BMERB1: variants seen among roughly 807,000 people sequenced by gnomAD.
BMERB1 encodes bMERB domain containing 1.
Under a neutral mutation model 23.6 loss-of-function variants are expected in BMERB1, and 12 were observed. The observed-to-expected ratio is 0.51, with a 90% CI of 0.33 to 0.82. The LOEUF (loss-of-function observed/expected upper bound fraction) is 0.82, where lower values mean the gene tolerates loss of function less well. Among genes scored for constraint, BMERB1 ranks in the 40% least tolerant of loss-of-function variants. The pLI, the probability that BMERB1 is intolerant of heterozygous loss-of-function variation, is 0.03. For missense variants in BMERB1, 247 were observed against 255.4 expected (o/e 0.97, Z 0.22); for synonymous variants, 122 against 96.6 (o/e 1.26, Z -1.54).
intron 3 of BMERB1, chr16:15,577,011 G>A (rs192923906): frequency 6.6e-6 from 1 of 152,316 alleles, no homozygotes; most frequent in Admixed American, 6.5e-5. Flanking sequence ...CCCACAGATT[G>A]GTTGGAGCAG....
At chr16:15,452,234 T>C (rs1247760494) in intron 1 of BMERB1, among the ~76,000 whole-genome samples, 6 of 147,538 alleles carry the variant, frequency 4.1e-5, no homozygotes, top group Non-Finnish European at 7.5e-5. Context: ...TGAGCCATGA[T>C]TGGGCCACTG....
intron 3 of BMERB1, among the ~76,000 whole-genome samples, chr16:15,570,509 C>G (rs138530990): frequency 7.9e-5 from 12 of 152,114 alleles, no homozygotes; most frequent in African/African-American, 2.7e-4. Context: ...TCCCTGGCCT[C>G]TACCCACTAC....
chr16:15,547,023 T>C (rs999050926), intron 2 of BMERB1, among the ~76,000 whole-genome samples: 2 of 151,416 alleles, frequency 1.3e-5, no homozygotes, highest in African/African-American at 4.9e-5. Flanking sequence ...CTTTTTTTTT[T>C]TTTTTTTGAG....
chr16:15,557,744 G>A (rs1048172504), intron 2 of BMERB1, among the ~76,000 whole-genome samples: 1 of 152,134 alleles, frequency 6.6e-6, no homozygotes, highest in Non-Finnish European at 1.5e-5. Context: ...TAAGTCATAA[G>A]GACATTTAAT....
intron 2 of BMERB1, among the ~76,000 whole-genome samples, chr16:15,535,648 C>CAAAAAAAAA (rs34379447): frequency 9.9e-6 from 1 of 100,694 alleles, no homozygotes; most frequent in African/African-American, 4.0e-5. Context: ...GACTCCATCT[C>CAAAAAAAAA]AAAAAAAAAA....
intron 5 of BMERB1, among the ~76,000 whole-genome samples, chr16:15,583,641 AATGCTTTCT>A (rs2031071635): frequency 6.6e-6 from 1 of 152,060 alleles, no homozygotes; most frequent in Admixed American, 6.6e-5. Context: ...GGCGCAACAA[AATGCTTTCT>A]AGAGATCAGA....
rs535797129 is a variant in BMERB1, at chr16:15,441,559, G to A, written c.106+6800G>A. Among the ~76,000 whole-genome samples the A allele has an allele frequency of 1.4e-3, 219 of 152,182 alleles. 1 individual carries two copies. Among genetic ancestry groups the A allele is most frequent in the Middle Eastern group, 0.01 (3 of 294 alleles). ...TGCCTGGTTAATTTTTGTATTTTTA[G>A]TAGAGATGGGGTTTTTCCATGTTGG... On this transcript the variant is annotated intron_variant, in intron 1 of 5. Transcript: ENST00000300006.
At chr16:15,546,762 A>G (rs1210660818) in intron 2 of BMERB1, among the ~76,000 whole-genome samples, 1 of 152,130 alleles carries the variant, frequency 6.6e-6, no homozygotes, top group African/African-American at 2.4e-5. Flanking sequence ...TGCTGGGGTG[A>G]TTACCCTTAT....
At chr16:15,436,607 G>A (rs1234593514) in intron 1 of BMERB1, among the ~76,000 whole-genome samples, 3 of 151,780 alleles carry the variant, frequency 2.0e-5, no homozygotes, top group Non-Finnish European at 4.4e-5. Flanking sequence ...TGTAGTCATC[G>A]TGTTGTGCTA....
At chr16:15,528,151 C>T (rs1055360082) in intron 2 of BMERB1, among the ~76,000 whole-genome samples, 2 of 152,086 alleles carry the variant, frequency 1.3e-5, no homozygotes, top group Non-Finnish European at 2.9e-5. Context: ...AAATTTAATT[C>T]TCACAGTTCT....
intron 2 of BMERB1, among the ~76,000 whole-genome samples, chr16:15,561,780 CTACT>C (rs1430892861): frequency 2.0e-5 from 3 of 152,072 alleles, no homozygotes; most frequent in African/African-American, 7.2e-5. Flanking sequence ...AAAGTCCTAG[CTACT>C]TGGAAGGCTG....
At chr16:15,472,364 G>T (rs570931912) in intron 1 of BMERB1, among the ~76,000 whole-genome samples, 21 of 152,278 alleles carry the variant, frequency 1.4e-4, no homozygotes, top group African/African-American at 3.9e-4. Flanking sequence ...GTGATCAATT[G>T]TAACTGTAGA....
At chr16:15,455,564 C>G (rs2051079679) in intron 1 of BMERB1, among the ~76,000 whole-genome samples, 1 of 151,864 alleles carries the variant, frequency 6.6e-6, no homozygotes, top group Admixed American at 6.6e-5. Context: ...GGGTTCACGC[C>G]ATTTTCCTGC....
At chr16:15,516,880 C>T (rs995583887) in intron 2 of BMERB1, among the ~76,000 whole-genome samples, 5 of 152,142 alleles carry the variant, frequency 3.3e-5, no homozygotes, top group Non-Finnish European at 7.4e-5. Context: ...GGGTCTTGCT[C>T]TGTCGTCCAG....
chr16:15,575,770 A>G (rs954933185), intron 3 of BMERB1, among the ~76,000 whole-genome samples: 2 of 152,090 alleles, frequency 1.3e-5, no homozygotes, highest in Non-Finnish European at 2.9e-5. Context: ...CACCCTATGT[A>G]AATGAAGTAG....
At chr16:15,552,998 AC>A (rs561869788) in intron 2 of BMERB1, among the ~76,000 whole-genome samples, 23 of 151,892 alleles carry the variant, frequency 1.5e-4, no homozygotes, top group East Asian at 9.8e-4. Context: ...ACATAGTGAG[AC>A]CCCCATCTCT....
chr16:15,458,978 G>A (rs2051112515), intron 1 of BMERB1, among the ~76,000 whole-genome samples: 1 of 151,946 alleles, frequency 6.6e-6, no homozygotes, highest in African/African-American at 2.4e-5. Context: ...GTGGTGGCGG[G>A]CGCCCATAAT....
intron 1 of BMERB1, among the ~76,000 whole-genome samples, chr16:15,452,805 TCA>T (rs1351764380): frequency 1.3e-5 from 2 of 152,008 alleles, no homozygotes; most frequent in Non-Finnish European, 2.9e-5. Context: ...CCAGCTAGGA[TCA>T]AGACCCAACC....
chr16:15,478,828 GTTA>G (rs1467026087), intron 1 of BMERB1, among the ~76,000 whole-genome samples: 2 of 152,162 alleles, frequency 1.3e-5, no homozygotes, highest in Non-Finnish European at 2.9e-5. Flanking sequence ...AGCAGTGAGA[GTTA>G]TTATTGTTAC....
Sources: allele counts gnomAD v4.1 joint callset (sites outside exome capture counted in the v4.1 genomes callset), GRCh38; gene constraint gnomAD v4.1.1; transcripts MANE v1.5; gene names NCBI Gene and HGNC (gene_info 2026-07-23, HGNC 2026-07-21).